The following RAI1 variants were observed in gnomAD, a reference collection of about 807,000 sequenced individuals.
RAI1 encodes the protein retinoic acid-induced protein 1.
In RAI1, 9 loss-of-function variants were observed where a neutral mutation model predicts 123.8. The observed-to-expected ratio is 0.07, with a 90% CI of 0.04 to 0.13. The LOEUF is 0.13. Ranked by LOEUF, RAI1 falls within the 10% of genes least tolerant of loss-of-function variation. The pLI, the probability that RAI1 is intolerant of heterozygous loss-of-function variation, is 1.00. For synonymous variants in RAI1, 1,231 were observed against 1,127.3 expected (o/e 1.09, Z -1.84); for missense variants, 2,256 against 2,545.8 (o/e 0.89, Z 2.45).
At position 17,798,036 on chromosome 17, in the gene RAI1, C is replaced by T. The variant is rs1347877722; in HGVS notation, c.5088C>T (p.Phe1696=). The T allele has an allele frequency of 1.2e-6, 2 of 1,614,140 alleles. No individual in the cohort carries two copies. The highest frequency in any genetic ancestry group is 1.7e-6 in the Non-Finnish European group (2 of 1,180,024). The change falls in exon 3 of 6, where the codon TTC becomes TTT. Residue 1696 remains phenylalanine, a synonymous_variant. Coordinates refer to ENST00000353383, the MANE Select transcript of RAI1 (RefSeq NM_030665.4). ...VCCLCQNPAN[F]KDLGDLCGPY... is the part of the protein sequence containing the mutation. The stretch of plus-strand genomic sequence containing the variant: ...GCCTCTGCCAAAACCCGGCCAACTT[C>T]AAGGACCTTGGGGACCTCTGTGGGC...
At chr17:17,691,412 G>A (rs1394074357) in intron 1 of RAI1, among the ~76,000 whole-genome samples, 1 of 152,238 alleles carries the variant, frequency 6.6e-6, no homozygotes, top group African/African-American at 2.4e-5. Flanking sequence ...GAGCGTGGTA[G>A]GTGAGCAGAC....
At chr17:17,730,272 G>T (rs533598113) in intron 2 of RAI1, among the ~76,000 whole-genome samples, 12 of 152,332 alleles carry the variant, frequency 7.9e-5, no homozygotes, top group Admixed American at 7.8e-4. Flanking sequence ...CGAGGTCAGA[G>T]CATGGAAGGC....
intron 1 of RAI1, among the ~76,000 whole-genome samples, chr17:17,695,421 T>A (rs965471565): frequency 6.6e-6 from 1 of 152,110 alleles, no homozygotes. Context: ...GGGGAGCCTC[T>A]TCCAGAACTT....
chr17:17,706,219 A>G (rs556006855), intron 1 of RAI1, among the ~76,000 whole-genome samples: 26 of 151,856 alleles, frequency 1.7e-4, no homozygotes, highest in African/African-American at 5.8e-4. Context: ...GGGGCGAGGG[A>G]AGGAATGGCA....
intron 2 of RAI1, among the ~76,000 whole-genome samples, chr17:17,735,680 A>G (rs1916411819): frequency 6.6e-6 from 1 of 152,186 alleles, no homozygotes; most frequent in African/African-American, 2.4e-5. Context: ...CCTCTCATTC[A>G]GAAGTGATTT....
At chr17:17,777,358 A>T (rs945642466) in intron 2 of RAI1, 1 of 152,152 alleles carries the variant, frequency 6.6e-6, no homozygotes, top group African/African-American at 2.4e-5. Flanking sequence ...ACAAATACTC[A>T]AGGGCCTGGG....
intron 2 of RAI1, among the ~76,000 whole-genome samples, chr17:17,755,439 C>T (rs2030399639): frequency 6.6e-6 from 1 of 152,182 alleles, no homozygotes; most frequent in African/African-American, 2.4e-5. Flanking sequence ...CCCTGTTTGC[C>T]ACGACCTTGG....
Position 17,729,561 on chromosome 17 carries a change from GA to G in RAI1, c.-17+5403del, listed in dbSNP as rs566315079. ...GAGTGGGGGCTTTTTCTGCTTCTCT[GA>G]GCCTCAGTTTCCCCTTTGTATAATG... On this transcript the variant is annotated intron_variant, in intron 2 of 5. Transcript: ENST00000353383. 2.0e-3 allele frequency among the ~76,000 whole-genome samples: 312 copies of G among 152,312 alleles called. 1 individual carries two copies. The highest frequency in any genetic ancestry group is 0.014 in the Middle Eastern group (4 of 294).
chr17:17,775,250 T>G (rs59531660), intron 2 of RAI1, among the ~76,000 whole-genome samples: 1 of 148,256 alleles, frequency 6.7e-6, no homozygotes, highest in Admixed American at 6.9e-5. Context: ...ATTGCCTGAG[T>G]TGGAGTGCGG....
At chr17:17,681,817 G>GT in intron 1 of RAI1, 24 bp downstream of exon 1, 1 of 209,572 alleles carries the variant, frequency 4.8e-6, no homozygotes, top group Non-Finnish European at 8.9e-6. Context: ...GCCGGGGCGC[G>GT]GGGGGCGCAG....
At chr17:17,803,019 G>A (rs906988608) in intron 3 of RAI1, among the ~76,000 whole-genome samples, 2 of 151,370 alleles carry the variant, frequency 1.3e-5, no homozygotes, top group South Asian at 2.1e-4. Context: ...AGGAGGCAGC[G>A]GTTGCCGTGA....
intron 2 of RAI1, among the ~76,000 whole-genome samples, chr17:17,767,625 G>A (rs2030989794): frequency 6.6e-6 from 1 of 152,196 alleles, no homozygotes; most frequent in African/African-American, 2.4e-5. Context: ...AATGTCTTTG[G>A]AAGCTGGGCT....
chr17:17,691,427 C>T (rs1914833952), intron 1 of RAI1, among the ~76,000 whole-genome samples: 1 of 152,194 alleles, frequency 6.6e-6, no homozygotes, highest in Non-Finnish European at 1.5e-5. Flanking sequence ...GCAGACGTTA[C>T]AGAAATGATT....
intron 2 of RAI1, among the ~76,000 whole-genome samples, chr17:17,724,769 C>T (rs1916021654): frequency 6.6e-6 from 1 of 152,048 alleles, no homozygotes; most frequent in Admixed American, 6.5e-5. Flanking sequence ...GCGGCCCCTC[C>T]TCGCCGCCCG....
chr17:17,681,609 G>A lies in RAI1; in HGVS notation c.-333G>A, dbSNP rs1914415427. The A allele has an allele frequency of 4.9e-6, 1 of 202,200 alleles. No homozygotes were observed. The highest frequency in any genetic ancestry group is 9.8e-6 in the Non-Finnish European group (1 of 102,350). 12.5% of individuals were successfully genotyped at this position (202,200 alleles called of 1,614,324 possible). ...GTGCAGCGAGGGCGAGAGGCGAGCCGAGCAGGCCGCCCTGCCCGCGGCCCT... is the reference window on the plus strand; with the variant it reads ...GTGCAGCGAGGGCGAGAGGCGAGCCAAGCAGGCCGCCCTGCCCGCGGCCCT... On this transcript the variant is annotated 5_prime_UTR_variant, in exon 1 of 6. Transcript: ENST00000353383.
At chr17:17,686,943 G>A (rs543164645) in intron 1 of RAI1, among the ~76,000 whole-genome samples, 84 of 152,176 alleles carry the variant, frequency 5.5e-4, no homozygotes, top group African/African-American at 2.0e-3. Flanking sequence ...TCCAGGCTTC[G>A]CACCCTTGAA....
At chr17:17,784,906 C>G (rs909868050) in intron 2 of RAI1, among the ~76,000 whole-genome samples, 1 of 152,092 alleles carries the variant, frequency 6.6e-6, no homozygotes, top group African/African-American at 2.4e-5. Flanking sequence ...CTTTGCAGCC[C>G]CCCAGTCCCA....
chr17:17,785,387 T>C (rs1009397252), intron 2 of RAI1, among the ~76,000 whole-genome samples: 6 of 152,260 alleles, frequency 3.9e-5, no homozygotes, highest in Non-Finnish European at 7.3e-5. Context: ...CAAGTAATAC[T>C]GAAGGGACAT....
chr17:17,744,531 G>A (rs1238629158), intron 2 of RAI1, among the ~76,000 whole-genome samples: 1 of 152,112 alleles, frequency 6.6e-6, no homozygotes, highest in Non-Finnish European at 1.5e-5. Context: ...GGTGGCTCAC[G>A]CCTGTAATTC....
Sources: allele counts gnomAD v4.1 joint callset (sites outside exome capture counted in the v4.1 genomes callset), GRCh38; gene constraint gnomAD v4.1.1; transcripts MANE v1.5; gene names NCBI Gene and HGNC (gene_info 2026-07-23, HGNC 2026-07-21).